The following NDUFAF6 variants were observed in gnomAD, a reference collection of about 807,000 sequenced individuals.
NDUFAF6 encodes NADH:ubiquinone oxidoreductase complex assembly factor 6, also known as NADH dehydrogenase (ubiquinone) complex I, assembly factor 6.
In NDUFAF6, 45 loss-of-function variants were observed where a neutral mutation model predicts 40.8. The observed-to-expected ratio is 1.10, with a 90% CI of 0.87 to 1.42. The LOEUF (loss-of-function observed/expected upper bound fraction) is 1.42, where lower values mean the gene tolerates loss of function less well. NDUFAF6 is among the 40% of genes most tolerant of loss of function. The pLI is 0.00. For missense variants in NDUFAF6, 435 were observed against 418.5 expected (o/e 1.04, Z -0.34); for synonymous variants, 185 against 155.9 (o/e 1.19, Z -1.39).
At chr8:95,111,227 G>C (rs184241302) in intron 4 of NDUFAF6, among the ~76,000 whole-genome samples, 13 of 152,300 alleles carry the variant, frequency 8.5e-5, no homozygotes, top group East Asian at 1.9e-4. Context: ...GCAAGAAGAG[G>C]CAAGCCAAAA....
In NDUFAF6 at chr8:95,043,537, T is replaced by TA. The variant is rs537071893; in HGVS notation, c.477+1921dup. Among the ~76,000 whole-genome samples, 207 of 148,620 alleles carry TA rather than the reference T, an allele frequency of 1.4e-3. 1 individual carries two copies. The highest frequency in any genetic ancestry group is 0.011 in the South Asian group (53 of 4,692). ...GCAAGAAACTCTTACAACTCAAGAA[T>TA]AAAAAAAAAATCCTAATTTAAAAAT... On this transcript the variant is annotated intron_variant, in intron 4 of 8. Coordinates refer to ENST00000396124, the MANE Select transcript of NDUFAF6 (RefSeq NM_152416.4).
rs1586955634 is a variant in NDUFAF6, at chr8:95,008,106, A to G, written c.-83-23889A>G. On this transcript the variant is annotated intron_variant, in intron 2 of 9. Coordinates refer to the NDUFAF6 transcript ENST00000396111. Reference sequence around the variant, plus strand: ...TCTTTGTGTAACTTCCTCTGGAGGCAGTGTTAAAAGCCTAAATCCTAAAAG... The same window carrying G: ...TCTTTGTGTAACTTCCTCTGGAGGCGGTGTTAAAAGCCTAAATCCTAAAAG... 3.3e-5 allele frequency among the ~76,000 whole-genome samples: 5 copies of G among 152,278 alleles called. No homozygotes were observed. In the South Asian group the frequency reaches 1.0e-3, roughly 32 times the overall value.
chr8:94,948,994 G>T (rs1446593617), intron 2 of NDUFAF6, among the ~76,000 whole-genome samples: 1 of 149,834 alleles, frequency 6.7e-6, no homozygotes, highest in African/African-American at 2.4e-5. Flanking sequence ...CGGCGGCGGC[G>T]AGGGGAGGCA....
At chr8:95,070,090 G>A (rs1235512115) in intron 9 of NDUFAF6, among the ~76,000 whole-genome samples, 1 of 151,758 alleles carries the variant, frequency 6.6e-6, no homozygotes, top group East Asian at 1.9e-4. Flanking sequence ...GTGTCCCAAG[G>A]AGAGGGCCTC....
intron 1 of NDUFAF6, among the ~76,000 whole-genome samples, chr8:94,908,285 A>G (rs1217943140): frequency 6.6e-6 from 1 of 152,234 alleles, no homozygotes; most frequent in Non-Finnish European, 1.5e-5. Flanking sequence ...TGTGGAATGA[A>G]TGACTTAAAT....
At chr8:95,107,802 C>A (rs1809884710), downstream of NDUFAF6, among the ~76,000 whole-genome samples, 1 of 152,098 alleles carries the variant, frequency 6.6e-6, no homozygotes. Context: ...AATGAGTCTG[C>A]CTTTCAGGAG....
chr8:94,899,565 A>G (rs1327883200), intron 1 of NDUFAF6, among the ~76,000 whole-genome samples: 2 of 152,228 alleles, frequency 1.3e-5, no homozygotes, highest in Non-Finnish European at 2.9e-5. Context: ...TAAATGAGGA[A>G]GCTGAGGCAC....
At chr8:94,976,294 A>G (rs1441569586) in intron 1 of NDUFAF6, among the ~76,000 whole-genome samples, 2 of 151,962 alleles carry the variant, frequency 1.3e-5, no homozygotes, top group Non-Finnish European at 2.9e-5. Context: ...TCACGAGGTC[A>G]GGAGGTTGAG....
Position 95,052,181 on chromosome 8 carries a change from C to T in NDUFAF6, c.824C>T (p.Ser275Phe), listed in dbSNP as rs1330715526. Reference sequence around the variant, plus strand: ...TCTCCTCTTCCTTTTTAGGCTAGGTCCTTTCACAAAACTGTTCCTGTGAAA... The same window carrying T: ...TCTCCTCTTCCTTTTTAGGCTAGGTTCTTTCACAAAACTGTTCCTGTGAAA... ...QAHLHLKHAR[S>F]FHKTVPVKAF... Residue 275 changes from serine (S) to phenylalanine (F), a missense_variant, in exon 8 of 9, where the codon TCC (serine) becomes TTC (phenylalanine). Physicochemically the swap from Ser to Phe is radical, Grantham distance 155. Transcript: ENST00000396124. The T allele has an allele frequency of 1.2e-6, 2 of 1,614,068 alleles. No individual in the cohort carries two copies. The highest frequency in any genetic ancestry group is 2.2e-5 in the East Asian group (1 of 44,868).
At chr8:95,111,091 G>A (rs1809988443) in intron 4 of NDUFAF6, among the ~76,000 whole-genome samples, 1 of 152,176 alleles carries the variant, frequency 6.6e-6, no homozygotes, top group Non-Finnish European at 1.5e-5. Flanking sequence ...CAGGGGAGCC[G>A]AGACACCAAG....
At chr8:94,987,315 G>A (rs1563082) in intron 2 of NDUFAF6, among the ~76,000 whole-genome samples, 12,335 of 152,248 alleles carry the variant, frequency 0.081, 801 homozygotes, top group African/African-American at 0.18. Flanking sequence ...AAGCAGAGGG[G>A]CAGTTCTCTC....
At chr8:95,036,621 A>C in intron 3 of NDUFAF6, 1 of 709,146 alleles carries the variant, frequency 1.4e-6, no homozygotes, top group Admixed American at 3.8e-5. Flanking sequence ...CCTAAATCGG[A>C]GTATAGTGGA....
At chr8:94,928,885 TTAA>T (rs780247147) in intron 1 of NDUFAF6, 1 of 152,586 alleles carries the variant, frequency 6.6e-6, no homozygotes, top group Non-Finnish European at 1.5e-5. Flanking sequence ...CTGTACTCAT[TTAA>T]TTAGGGTTGC....
chr8:94,964,578 C>A (rs1249491201), intron 1 of NDUFAF6, among the ~76,000 whole-genome samples: 1 of 152,068 alleles, frequency 6.6e-6, no homozygotes, highest in East Asian at 1.9e-4. Context: ...TTGCTCATGG[C>A]AGAAGGCAAA....
intron 1 of NDUFAF6, among the ~76,000 whole-genome samples, chr8:95,031,661 G>A (rs560946518): frequency 2.4e-4 from 37 of 152,184 alleles, no homozygotes; most frequent in African/African-American, 8.7e-4. Flanking sequence ...GTGCAGTGGC[G>A]CAATCTGGGC....
chr8:95,064,132 T>G (rs1200149056), intron 9 of NDUFAF6, among the ~76,000 whole-genome samples: 2 of 150,126 alleles, frequency 1.3e-5, no homozygotes, highest in African/African-American at 4.9e-5. Context: ...CCTCGTGATC[T>G]GCCCGCCTCA....
At chr8:95,047,525 TTTG>T (rs1334256100) in intron 6 of NDUFAF6, among the ~76,000 whole-genome samples, 2 of 150,180 alleles carry the variant, frequency 1.3e-5, no homozygotes, top group African/African-American at 4.9e-5. Flanking sequence ...TTTTTTTTTT[TTTG>T]AGACAAAGTC....
chr8:95,065,422 G>A (rs1036297878), intron 9 of NDUFAF6, among the ~76,000 whole-genome samples: 1 of 152,092 alleles, frequency 6.6e-6, no homozygotes, highest in African/African-American at 2.4e-5. Flanking sequence ...CACTATTAAC[G>A]TTTTGGTCTA....
chr8:95,038,935 C>G (rs1262644708), intron 3 of NDUFAF6, among the ~76,000 whole-genome samples: 1 of 150,688 alleles, frequency 6.6e-6, no homozygotes, highest in Non-Finnish European at 1.5e-5. Flanking sequence ...TCCCAAAGTG[C>G]TGGGATTACA....
Sources: gnomAD v4.1 joint callset for allele counts (sites outside exome capture counted in the v4.1 genomes callset) on GRCh38, gnomAD v4.1.1 for gene constraint, MANE v1.5 for transcripts, NCBI Gene and HGNC (gene_info 2026-07-23, HGNC 2026-07-21) for gene names.